The following EYS variants were observed in gnomAD, a reference collection of about 807,000 sequenced individuals.
EYS encodes EGF-like photoreceptor maintenance factor, also known as protein eyes shut homolog.
A neutral mutation model predicts 282.1 loss-of-function variants in EYS; 250 were observed. The ratio of observed to expected loss-of-function variants is 0.89; its 90% CI spans 0.80 to 0.98. EYS has a LOEUF of 0.98. Among genes scored for constraint, EYS ranks in the 50% least tolerant of loss-of-function variants. The pLI is 0.00. For synonymous variants in EYS, 1,355 were observed against 1,282.9 expected, an observed-to-expected ratio of 1.06 and a Z score of -1.20; for missense variants, 4,016 against 3,709.0, an observed-to-expected ratio of 1.08 and a Z score of -2.15.
At chr6:65,640,491 T>C (rs557084788) in intron 1 of EYS, among the ~76,000 whole-genome samples, 1 of 152,320 alleles carries the variant, frequency 6.6e-6, no homozygotes, top group South Asian at 2.1e-4. Flanking sequence ...CTTCAGTTGC[T>C]GTTGAAAGCA....
chr6:65,087,788 A>G (rs920240806), intron 12 of EYS, among the ~76,000 whole-genome samples: 3 of 152,188 alleles, frequency 2.0e-5, no homozygotes, highest in Admixed American at 1.3e-4. Flanking sequence ...TTCATATTCT[A>G]TCATTCCATG....
chr6:64,691,316 G>A (rs563952668), intron 22 of EYS, among the ~76,000 whole-genome samples: 16 of 152,134 alleles, frequency 1.1e-4, no homozygotes, highest in African/African-American at 3.6e-4. Flanking sequence ...ACAAAGTTTG[G>A]ATAAAAAGAA....
chr6:64,076,529 G>T (rs1486518272), intron 32 of EYS, among the ~76,000 whole-genome samples: 1 of 151,842 alleles, frequency 6.6e-6, no homozygotes, highest in Non-Finnish European at 1.5e-5. Flanking sequence ...AATCATGGGG[G>T]CATTTTCCCT....
intron 22 of EYS, among the ~76,000 whole-genome samples, chr6:64,670,027 T>C (rs992132258): frequency 1.2e-4 from 18 of 152,204 alleles, no homozygotes; most frequent in African/African-American, 3.6e-4. Flanking sequence ...CTTTACAACC[T>C]AGGACTAAGT....
chr6:64,857,467 G>A (rs183338961), intron 19 of EYS, among the ~76,000 whole-genome samples: 168 of 152,238 alleles, frequency 1.1e-3, no homozygotes, highest in Middle Eastern at 0.01. Context: ...ATTCCATTGT[G>A]TATGTACAGC....
chr6:65,290,053 A>G lies in EYS; in HGVS notation c.2023+5810T>C, dbSNP rs570907970. On this transcript the variant is annotated intron_variant, in intron 12 of 42. Coordinates refer to ENST00000503581, the MANE Select transcript of EYS (RefSeq NM_001142800.2). ...GAAATCTATTTAGAAAATAGTACAA[A>G]TAAGAAACTTTAATTTAATATTTTT... Among the ~76,000 whole-genome samples, 12 of 151,316 alleles carry G rather than the reference A, an allele frequency of 7.9e-5. No homozygotes were observed. The South Asian group carries it at 2.5e-3, about 31-fold the overall frequency.
chr6:65,330,535 CA>C (rs528018533), intron 11 of EYS: 27 of 983,444 alleles, frequency 2.7e-5, no homozygotes, highest in Admixed American at 1.2e-4. Flanking sequence ...GATTTCAGGG[CA>C]AAAAAATGTG....
At chr6:64,205,915 C>T (rs906408962) in intron 31 of EYS, among the ~76,000 whole-genome samples, 1 of 151,768 alleles carries the variant, frequency 6.6e-6, no homozygotes, top group Non-Finnish European at 1.5e-5. Context: ...TGCAAGTGGC[C>T]TTACCAGTTG....
At position 65,465,502 on chromosome 6, in the gene EYS, C is replaced by T. The variant is rs539138255; in HGVS notation, c.862+25092G>A. On this transcript the variant is annotated intron_variant, in intron 5 of 42. Coordinates refer to ENST00000503581, the MANE Select transcript of EYS (RefSeq NM_001142800.2). ...AAACAAACAAACAAACAAACACCAA[C>T]CAAACAAACAAAAAAGACAGATAAT... Among the ~76,000 whole-genome samples, 9 of 150,808 alleles carry T rather than the reference C, an allele frequency of 6.0e-5. 1 individual carries two copies. Among genetic ancestry groups the T allele is most frequent in the African/African-American group, 2.2e-4 (9 of 40,966 alleles).
At chr6:64,779,103 C>T (rs967223927) in intron 22 of EYS, among the ~76,000 whole-genome samples, 1 of 152,060 alleles carries the variant, frequency 6.6e-6, no homozygotes, top group Non-Finnish European at 1.5e-5. Flanking sequence ...CAAAAGTAAA[C>T]ATATTCTTAC....
intron 1 of EYS, among the ~76,000 whole-genome samples, chr6:65,661,683 A>G (rs1768005869): frequency 6.6e-6 from 1 of 152,068 alleles, no homozygotes; most frequent in Non-Finnish European, 1.5e-5. Flanking sequence ...TTCTACCTGG[A>G]ACTTTCGGAT....
At chr6:65,640,464 G>A (rs987727285) in intron 1 of EYS, among the ~76,000 whole-genome samples, 5 of 151,836 alleles carry the variant, frequency 3.3e-5, no homozygotes, top group Non-Finnish European at 2.9e-5. Flanking sequence ...TAGGCTATCC[G>A]TGAAATATGT....
intron 2 of EYS, among the ~76,000 whole-genome samples, chr6:65,625,831 TA>T (rs746558749): frequency 2.0e-5 from 3 of 152,224 alleles, no homozygotes; most frequent in Non-Finnish European, 2.9e-5. Flanking sequence ...AAAAGGTTCT[TA>T]ATGTAGTCCC....
At chr6:64,645,909 A>G (rs1768335673) in intron 22 of EYS, among the ~76,000 whole-genome samples, 1 of 152,218 alleles carries the variant, frequency 6.6e-6, no homozygotes, top group Non-Finnish European at 1.5e-5. Context: ...ACTCTAAAAG[A>G]AATACAGCTT....
At chr6:65,249,663 A>G (rs749660413) in intron 12 of EYS, among the ~76,000 whole-genome samples, 1 of 152,046 alleles carries the variant, frequency 6.6e-6, no homozygotes, top group Admixed American at 6.6e-5. Context: ...TTGGAAATTT[A>G]CAAAGCAAGC....
Position 65,296,132 on chromosome 6 carries a change from G to T in EYS, c.1767-13C>A, listed in dbSNP as rs1325231310. 6.5e-7 allele frequency: 1 copy of T among 1,534,466 alleles called. No homozygotes were observed. The highest frequency in any genetic ancestry group is 8.8e-7 in the Non-Finnish European group (1 of 1,142,290). On this transcript the variant is annotated splice_polypyrimidine_tract_variant and intron_variant, in intron 11 of 42. Coordinates refer to ENST00000503581, the MANE Select transcript of EYS (RefSeq NM_001142800.2). Reference sequence around the variant, plus strand: ...AGAACAGCTGCATCTGAAACACAGAGAAATGAAAAACCCAATTAGTCATAT... The same window carrying T: ...AGAACAGCTGCATCTGAAACACAGATAAATGAAAAACCCAATTAGTCATAT...
At chr6:64,096,169 C>G (rs943718789) in intron 31 of EYS, among the ~76,000 whole-genome samples, 1 of 152,230 alleles carries the variant, frequency 6.6e-6, no homozygotes, top group Admixed American at 6.5e-5. Context: ...ACCTTTCTCT[C>G]TGGCTGCCCT....
In EYS at chr6:64,255,507, A is replaced by C. The variant is rs920097058; in HGVS notation, c.6192-24683T>G. On this transcript the variant is annotated intron_variant, in intron 30 of 42. Transcript: ENST00000503581. ...TATTGTAAAATTAAAGTTGTACAAT[A>C]TTATTTTTGACAAACTGTGCCTTTA... Among the ~76,000 whole-genome samples, 3 of 152,110 alleles carry C rather than the reference A, an allele frequency of 2.0e-5. No individual in the cohort carries two copies. In the East Asian group the frequency reaches 5.8e-4, roughly 29 times the overall value.
At chr6:63,800,526 G>A (rs961001768) in intron 37 of EYS, among the ~76,000 whole-genome samples, 2 of 152,214 alleles carry the variant, frequency 1.3e-5, no homozygotes, top group East Asian at 1.9e-4. Context: ...GAGGCTGGGC[G>A]CGGAGTGGCT....
Sources: gnomAD v4.1 joint callset for allele counts (sites outside exome capture counted in the v4.1 genomes callset) on GRCh38, gnomAD v4.1.1 for gene constraint, MANE v1.5 for transcripts, NCBI Gene and HGNC (gene_info 2026-07-23, HGNC 2026-07-21) for gene names.